The following CHST8 variants were observed in gnomAD, a reference collection of about 807,000 sequenced individuals.
The protein encoded by CHST8 is carbohydrate sulfotransferase 8.
A neutral mutation model predicts 15.0 loss-of-function variants in CHST8; 10 were observed. The ratio of observed to expected loss-of-function variants is 0.67; its 90% CI spans 0.41 to 1.13. The LOEUF (loss-of-function observed/expected upper bound fraction) is 1.13. Ranked by LOEUF, CHST8 falls within the 50% of genes most tolerant of loss-of-function variation. The pLI is 0.00. For synonymous variants in CHST8, 259 were observed against 256.6 expected, an observed-to-expected ratio of 1.01 and a Z score of -0.09; for missense variants, 634 against 608.2, an observed-to-expected ratio of 1.04 and a Z score of -0.45.
chr19:33,625,149 G>C lies in CHST8; in HGVS notation c.-164+2853G>C, dbSNP rs555812064. On this transcript the variant is annotated intron_variant, in intron 1 of 4. Transcript: ENST00000650847. The stretch of plus-strand genomic sequence containing the variant: ...TGCCCAGGCTAGAGTGCAATGTTGC[G>C]ATCTCTGTTTGCCACAAGCTCTGCC... Among the ~76,000 whole-genome samples the C allele has an allele frequency of 1.2e-3, 177 of 151,270 alleles. 3 individuals are homozygous for C. The highest frequency in any genetic ancestry group is 4.2e-3 in the African/African-American group (174 of 41,190).
In CHST8 at chr19:33,772,037, C is replaced by G; in HGVS notation, c.249C>G (p.Ala83=). ...TCACTCGGGACTTATCCAGTGGGGC[C>G]CCGAGGGGCCGCAACCTGCCAGCGC... The part of the protein sequence containing the change: ...ERVTRDLSSG[A]PRGRNLPAPD... Residue 83 remains alanine (A), a synonymous_variant, in exon 5 of 5, where the codon GCC becomes GCG. Coordinates refer to ENST00000650847, the MANE Select transcript of CHST8 (RefSeq NM_001127895.2). 2 of 1,612,144 alleles carry G rather than the reference C, an allele frequency of 1.2e-6. No homozygotes were observed. Among genetic ancestry groups the G allele is most frequent in the Non-Finnish European group, 1.7e-6 (2 of 1,179,664 alleles).
At chr19:33,669,901 A>G (rs1389805842) in intron 2 of CHST8, among the ~76,000 whole-genome samples, 1 of 152,244 alleles carries the variant, frequency 6.6e-6, no homozygotes, top group Non-Finnish European at 1.5e-5. Flanking sequence ...GTGACTAACT[A>G]TAGAATTGAT....
chr19:33,757,589 A>G (rs980519219), intron 3 of CHST8, among the ~76,000 whole-genome samples: 1 of 144,324 alleles, frequency 6.9e-6, no homozygotes, highest in African/African-American at 2.6e-5. Flanking sequence ...AGAAAGAAAG[A>G]AAGAAAGAAA....
chr19:33,710,474 G>A (rs1234191382), intron 3 of CHST8, among the ~76,000 whole-genome samples: 1 of 152,014 alleles, frequency 6.6e-6, no homozygotes, highest in Non-Finnish European at 1.5e-5. Flanking sequence ...TGGAAGATTA[G>A]GCTATTGATT....
In CHST8 at chr19:33,623,356, G is replaced by C. The variant is rs928188541; in HGVS notation, c.-164+1060G>C. Among the ~76,000 whole-genome samples, 8 of 152,280 alleles carry C rather than the reference G, an allele frequency of 5.3e-5. 1 individual carries two copies. The highest frequency in any genetic ancestry group is 1.9e-4 in the African/African-American group (8 of 41,584). On this transcript the variant is annotated intron_variant, in intron 1 of 4. Coordinates refer to ENST00000650847, the MANE Select transcript of CHST8 (RefSeq NM_001127895.2). ...GGCCACTCCCGCTGGCTCAGGAGCC[G>C]TGATCAGCTCCGTTAAGGGGAACGC...
intron 3 of CHST8, among the ~76,000 whole-genome samples, chr19:33,705,765 G>C (rs1009328403): frequency 6.6e-6 from 1 of 152,138 alleles, no homozygotes; most frequent in Non-Finnish European, 1.5e-5. Flanking sequence ...CTTTGGAGAG[G>C]GGCCTGGCCT....
chr19:33,627,854 G>T (rs1034103054), intron 1 of CHST8, among the ~76,000 whole-genome samples: 3 of 152,114 alleles, frequency 2.0e-5, no homozygotes, highest in Admixed American at 1.3e-4. Context: ...CAAAGCTAAG[G>T]GTGGTCCCTG....
intron 3 of CHST8, among the ~76,000 whole-genome samples, chr19:33,721,865 A>G (rs1331494256): frequency 6.7e-6 from 1 of 149,126 alleles, no homozygotes. Flanking sequence ...GGATGGATGG[A>G]CAGATGGATG....
chr19:33,639,372 G>T (rs546729571), intron 1 of CHST8, among the ~76,000 whole-genome samples: 1 of 152,280 alleles, frequency 6.6e-6, no homozygotes, highest in East Asian at 1.9e-4. Context: ...GAGCCCAGGG[G>T]CAGGGGCATG....
chr19:33,678,375 A>G (rs77306283), intron 2 of CHST8, among the ~76,000 whole-genome samples: 142 of 152,270 alleles, frequency 9.3e-4, no homozygotes, highest in African/African-American at 3.3e-3. Flanking sequence ...TTGTTCTGCC[A>G]TATTCTTAGT....
chr19:33,722,103 GGATGGAT>G (rs780981321), intron 3 of CHST8, among the ~76,000 whole-genome samples: 10,119 of 149,352 alleles, frequency 0.068, 1,276 homozygotes, highest in African/African-American at 0.24. Context: ...ATGGATGGAT[GGATGGAT>G]GAAGGGATGG....
At chr19:33,647,837 C>G (rs10414355) in intron 1 of CHST8, among the ~76,000 whole-genome samples, 150,857 of 152,148 alleles carry the variant, frequency 0.99, 74,800 homozygotes, top group African/African-American at 1. Context: ...CAGAGTGATG[C>G]TCCGTTTCAA....
At chr19:33,635,850 T>C (rs989480414) in intron 1 of CHST8, among the ~76,000 whole-genome samples, 1 of 152,094 alleles carries the variant, frequency 6.6e-6, no homozygotes, top group African/African-American at 2.4e-5. Context: ...ACAGTGGAAA[T>C]TCTCTCCAAG....
chr19:33,698,747 G>A (rs961221530), intron 3 of CHST8, among the ~76,000 whole-genome samples: 2 of 152,104 alleles, frequency 1.3e-5, no homozygotes, highest in Non-Finnish European at 2.9e-5. Flanking sequence ...TTGGCAGGGT[G>A]TGTGGAGTCT....
At chr19:33,752,381 C>T (rs986210903) in intron 3 of CHST8, among the ~76,000 whole-genome samples, 2 of 152,184 alleles carry the variant, frequency 1.3e-5, no homozygotes, top group Non-Finnish European at 2.9e-5. Flanking sequence ...AGGAAATCCA[C>T]TTAGATATTC....
chr19:33,745,392 C>T lies in CHST8; in HGVS notation c.131-26021C>T, dbSNP rs190317884. On this transcript the variant is annotated intron_variant, in intron 3 of 4. Transcript: ENST00000650847. Reference sequence around the variant, plus strand: ...AGTTTATCATCAATAAACATTTTAACGGAGGCATTACTGCCTCTGGCCTTG... The same window carrying T: ...AGTTTATCATCAATAAACATTTTAATGGAGGCATTACTGCCTCTGGCCTTG... Among the ~76,000 whole-genome samples the T allele has an allele frequency of 1.7e-4, 26 of 152,366 alleles. 1 individual carries two copies. Among genetic ancestry groups the T allele is most frequent in the South Asian group, 6.2e-4 (3 of 4,824 alleles).
At chr19:33,701,286 G>A (rs1973331787) in intron 3 of CHST8, among the ~76,000 whole-genome samples, 1 of 152,252 alleles carries the variant, frequency 6.6e-6, no homozygotes, top group East Asian at 1.9e-4. Flanking sequence ...CAATTGGAGT[G>A]AATATTCGCC....
Position 33,627,751 on chromosome 19 carries a change from C to T in CHST8, c.-164+5455C>T, listed in dbSNP as rs990067189. Among the ~76,000 whole-genome samples the T allele has an allele frequency of 7.2e-5, 11 of 152,244 alleles. No individual in the cohort carries two copies. In the South Asian group the frequency reaches 8.3e-4, roughly 11 times the overall value. ...CAGTCCCACACTCCTGGTGCCAGGC[C>T]TGTTGTCACTGTCCCTCGCCCTGCC... On this transcript the variant is annotated intron_variant, in intron 1 of 4. Transcript: ENST00000650847.
intron 1 of CHST8, among the ~76,000 whole-genome samples, chr19:33,632,233 G>A (rs756775290): frequency 3.3e-5 from 5 of 151,228 alleles, no homozygotes; most frequent in Admixed American, 1.3e-4. Flanking sequence ...TCCATCCCCC[G>A]GGCTCAAGTA....
Sources: gnomAD v4.1 joint callset for allele counts (sites outside exome capture counted in the v4.1 genomes callset) on GRCh38, gnomAD v4.1.1 for gene constraint, MANE v1.5 for transcripts, NCBI Gene and HGNC (gene_info 2026-07-23, HGNC 2026-07-21) for gene names.